Variants in PDSS2 observed in about 807,000 individuals in gnomAD.
PDSS2 encodes the protein all trans-polyprenyl-diphosphate synthase PDSS2.
A neutral mutation model predicts 44.5 loss-of-function variants in PDSS2; 31 were observed. The ratio of observed to expected loss-of-function variants is 0.70; its 90% confidence interval spans 0.52 to 0.94. The LOEUF (loss-of-function observed/expected upper bound fraction) is 0.94. Among genes scored for constraint, PDSS2 ranks in the 40% least tolerant of loss-of-function variants. The pLI is 0.00. For missense variants in PDSS2, 452 were observed against 482.2 expected, an observed-to-expected ratio of 0.94 and a Z score of 0.59; for synonymous variants, 157 against 180.3, an observed-to-expected ratio of 0.87 and a Z score of 1.03.
chr6:107,429,055 A>T (rs1221439040), intron 1 of PDSS2, among the ~76,000 whole-genome samples: 1 of 152,188 alleles, frequency 6.6e-6, no homozygotes, highest in Non-Finnish European at 1.5e-5. Context: ...GAGAATGCAA[A>T]CTCAGTGGTG....
intron 7 of PDSS2, among the ~76,000 whole-genome samples, chr6:107,169,044 T>C (rs2114357297): frequency 6.6e-6 from 1 of 152,292 alleles, no homozygotes; most frequent in East Asian, 1.9e-4. Context: ...GTTGGGGAAG[T>C]TCTCCTGGAT....
At chr6:107,325,448 A>C (rs1321447173) in intron 2 of PDSS2, among the ~76,000 whole-genome samples, 7 of 152,242 alleles carry the variant, frequency 4.6e-5, no homozygotes. Flanking sequence ...AGTAGAGTGA[A>C]GAATTAGCAC....
At chr6:107,450,881 A>ATGG (rs1781843929) in intron 1 of PDSS2, among the ~76,000 whole-genome samples, 1 of 152,242 alleles carries the variant, frequency 6.6e-6, no homozygotes, top group African/African-American at 2.4e-5. Context: ...CCCACGCTGA[A>ATGG]GTGCAATGGC....
At chr6:107,256,897 A>C (rs777309325) in intron 3 of PDSS2, among the ~76,000 whole-genome samples, 1 of 151,674 alleles carries the variant, frequency 6.6e-6, no homozygotes, top group Non-Finnish European at 1.5e-5. Context: ...CAATAATAGA[A>C]GAGGCCAGGC....
At chr6:107,158,152 A>G (rs1328334769) in intron 7 of PDSS2, among the ~76,000 whole-genome samples, 1 of 151,672 alleles carries the variant, frequency 6.6e-6, no homozygotes, top group Non-Finnish European at 1.5e-5. Flanking sequence ...AGATGGAGGC[A>G]GGCAGAGTAG....
intron 7 of PDSS2, among the ~76,000 whole-genome samples, chr6:107,161,324 C>CAA (rs1283618089): frequency 6.6e-6 from 1 of 151,626 alleles, no homozygotes; most frequent in Non-Finnish European, 1.5e-5. Flanking sequence ...ACTAAAAATA[C>CAA]AAAAAATTAG....
chr6:107,187,004 A>G (rs577540674), intron 7 of PDSS2, among the ~76,000 whole-genome samples: 1 of 152,332 alleles, frequency 6.6e-6, no homozygotes, highest in South Asian at 2.1e-4. Flanking sequence ...TGTGATGCCT[A>G]TATTAGCCTG....
At chr6:107,441,709 G>A (rs1451582343) in intron 1 of PDSS2, among the ~76,000 whole-genome samples, 1 of 152,096 alleles carries the variant, frequency 6.6e-6, no homozygotes, top group African/African-American at 2.4e-5. Context: ...TCAAGGACAG[G>A]GTGCCCTGCT....
chr6:107,403,691 G>A (rs937307377), intron 1 of PDSS2, among the ~76,000 whole-genome samples: 8 of 152,228 alleles, frequency 5.3e-5, no homozygotes, highest in African/African-American at 1.7e-4. Context: ...TGCACCCTCT[G>A]AAGCCACAGC....
rs140163603 is a variant in PDSS2 at position 107,256,457 on chromosome 6, C to G, written c.631-10838G>C. Reference sequence around the variant, plus strand: ...AACACAGTTCACTTTCCAGCTCAAGCAGTTCCTCTTCAAATTGGGCCACAC... The same window carrying G: ...AACACAGTTCACTTTCCAGCTCAAGGAGTTCCTCTTCAAATTGGGCCACAC... On this transcript the variant is annotated intron_variant, in intron 3 of 7. Transcript: ENST00000369037. Among the ~76,000 whole-genome samples, 424 of 152,286 alleles carry G rather than the reference C, an allele frequency of 2.8e-3. 7 individuals carry two copies. Among genetic ancestry groups the G allele is most frequent in the African/African-American group, 9.4e-3 (389 of 41,560 alleles).
intron 7 of PDSS2, among the ~76,000 whole-genome samples, chr6:107,182,908 G>A (rs1772034217): frequency 6.6e-6 from 1 of 152,084 alleles, no homozygotes; most frequent in African/African-American, 2.4e-5. Flanking sequence ...AGGAGTGGGG[G>A]ATTTAAAATT....
intron 1 of PDSS2, among the ~76,000 whole-genome samples, chr6:107,437,371 A>C (rs1323591410): frequency 1.3e-5 from 2 of 151,986 alleles, no homozygotes; most frequent in Non-Finnish European, 2.9e-5. Flanking sequence ...CTAAAAATAC[A>C]AAAATTAACC....
At chr6:107,324,393 C>T (rs755065462) in intron 2 of PDSS2, among the ~76,000 whole-genome samples, 4 of 152,074 alleles carry the variant, frequency 2.6e-5, no homozygotes, top group African/African-American at 9.7e-5. Context: ...TGTCAATAAG[C>T]GCTCCTCATT....
intron 1 of PDSS2, among the ~76,000 whole-genome samples, chr6:107,436,804 A>G (rs1781362703): frequency 6.6e-6 from 1 of 152,214 alleles, no homozygotes; most frequent in South Asian, 2.1e-4. Flanking sequence ...ATCATACATT[A>G]TATGTATCAA....
intron 5 of PDSS2, among the ~76,000 whole-genome samples, chr6:107,210,794 A>G (rs973771865): frequency 6.6e-6 from 1 of 152,080 alleles, no homozygotes; most frequent in Non-Finnish European, 1.5e-5. Context: ...ACCTGAGGTC[A>G]GGAGTTTGAG....
At chr6:107,416,042 T>G (rs1391469846) in intron 1 of PDSS2, among the ~76,000 whole-genome samples, 1 of 152,214 alleles carries the variant, frequency 6.6e-6, no homozygotes, top group Non-Finnish European at 1.5e-5. Flanking sequence ...TTTGTATTTC[T>G]TTATAGAATT....
At chr6:107,196,873 G>T (rs1015599483) in intron 6 of PDSS2, among the ~76,000 whole-genome samples, 1 of 152,122 alleles carries the variant, frequency 6.6e-6, no homozygotes, top group African/African-American at 2.4e-5. Context: ...ATGTAATGAA[G>T]CTTCCATAAA....
At chr6:107,225,133 A>T (rs1304115660) in intron 4 of PDSS2, among the ~76,000 whole-genome samples, 61 of 55,910 alleles carry the variant, frequency 1.1e-3, no homozygotes, top group Non-Finnish European at 1.6e-3. Context: ...CTATATATAT[A>T]TTTTTATATA....
intron 7 of PDSS2, among the ~76,000 whole-genome samples, chr6:107,188,986 C>T (rs2114503036): frequency 6.6e-6 from 1 of 152,354 alleles, no homozygotes; most frequent in African/African-American, 2.4e-5. Context: ...TCACAACTCA[C>T]TGCAGCCTCA....
Sources: allele counts gnomAD v4.1 joint callset (sites outside exome capture counted in the v4.1 genomes callset), GRCh38; gene constraint gnomAD v4.1.1; transcripts MANE v1.5; gene names NCBI Gene and HGNC (gene_info 2026-07-23, HGNC 2026-07-21).